The following KIAA0825 variants were observed in gnomAD, a reference collection of about 807,000 sequenced individuals.
KIAA0825 encodes KIAA0825, also known as uncharacterized protein KIAA0825.
Under a neutral mutation model 147.6 loss-of-function variants are expected in KIAA0825, and 119 were observed. The ratio of observed to expected loss-of-function variants is 0.81; its 90% CI spans 0.69 to 0.94. The LOEUF (loss-of-function observed/expected upper bound fraction) is 0.94, where lower values mean the gene tolerates loss of function less well. Ranked by LOEUF, KIAA0825 falls within the 40% of genes least tolerant of loss-of-function variation. The pLI, the probability that KIAA0825 is intolerant of heterozygous loss-of-function variation, is 0.00. For synonymous variants in KIAA0825, 470 were observed against 518.1 expected, an observed-to-expected ratio of 0.91 and a Z score of 1.26; for missense variants, 1,381 against 1,472.7, an observed-to-expected ratio of 0.94 and a Z score of 1.02.
At chr5:94,199,593 G>A (rs1362333558) in intron 20 of KIAA0825, among the ~76,000 whole-genome samples, 10 of 152,084 alleles carry the variant, frequency 6.6e-5, no homozygotes, top group Non-Finnish European at 1.3e-4. Flanking sequence ...GGGAAGTTGG[G>A]GGACCACACA....
At chr5:94,599,388 G>A (rs1023895778) in intron 1 of KIAA0825, among the ~76,000 whole-genome samples, 1 of 107,516 alleles carries the variant, frequency 9.3e-6, no homozygotes, top group African/African-American at 3.8e-5. Context: ...GATTTTTGAT[G>A]AGGGTTCCAT....
intron 20 of KIAA0825, among the ~76,000 whole-genome samples, chr5:94,355,187 C>G (rs1784112077): frequency 6.6e-6 from 1 of 152,076 alleles, no homozygotes; most frequent in Non-Finnish European, 1.5e-5. Context: ...AGTGGCTGCC[C>G]TTAGAGACAA....
chr5:94,563,944 C>T (rs1365195422), intron 2 of KIAA0825, among the ~76,000 whole-genome samples: 1 of 152,206 alleles, frequency 6.6e-6, no homozygotes, highest in Non-Finnish European at 1.5e-5. Flanking sequence ...CTCAGCCTCC[C>T]AAACTGCTGG....
intron 20 of KIAA0825, among the ~76,000 whole-genome samples, chr5:94,381,447 C>T (rs1748404093): frequency 6.6e-6 from 1 of 152,172 alleles, no homozygotes; most frequent in Non-Finnish European, 1.5e-5. Context: ...ATTGAATCCA[C>T]ACAAATGCAG....
intron 20 of KIAA0825, among the ~76,000 whole-genome samples, chr5:94,354,302 C>T (rs527479408): frequency 3.9e-5 from 6 of 152,078 alleles, no homozygotes; most frequent in Non-Finnish European, 7.4e-5. Context: ...TCATAACCTC[C>T]CATCCTCTCT....
At chr5:94,336,646 TTATC>T (rs1449522246) in intron 20 of KIAA0825, among the ~76,000 whole-genome samples, 1 of 152,168 alleles carries the variant, frequency 6.6e-6, no homozygotes, top group African/African-American at 2.4e-5. Context: ...CACATTTTCT[TTATC>T]TAGTCTATCA....
chr5:94,400,890 C>T (rs1297387879), intron 16 of KIAA0825, among the ~76,000 whole-genome samples: 1 of 151,940 alleles, frequency 6.6e-6, no homozygotes, highest in African/African-American at 2.4e-5. Flanking sequence ...TAGTTTGTCA[C>T]CATAGTGTTT....
intron 2 of KIAA0825, among the ~76,000 whole-genome samples, chr5:94,571,223 T>C (rs780790202): frequency 1.3e-5 from 2 of 152,240 alleles, no homozygotes; most frequent in Non-Finnish European, 2.9e-5. Flanking sequence ...ATCATTGATG[T>C]TGCAGTTTGT....
At chr5:94,507,526 A>G (rs1765898592) in intron 5 of KIAA0825, among the ~76,000 whole-genome samples, 1 of 151,640 alleles carries the variant, frequency 6.6e-6, no homozygotes, top group Non-Finnish European at 1.5e-5. Flanking sequence ...GTGAATTAGC[A>G]AAATGATGGT....
At chr5:94,404,448 T>C (rs1468817200) in intron 15 of KIAA0825, among the ~76,000 whole-genome samples, 3 of 149,566 alleles carry the variant, frequency 2.0e-5, no homozygotes, top group Non-Finnish European at 3.0e-5. Flanking sequence ...TCCTTTTTTC[T>C]TCTTTCCTTC....
At chr5:94,273,303 C>G (rs1282288852) in intron 20 of KIAA0825, among the ~76,000 whole-genome samples, 2 of 152,138 alleles carry the variant, frequency 1.3e-5, no homozygotes, top group Admixed American at 6.6e-5. Context: ...TACGGAGAGG[C>G]ATTTATTAAT....
At chr5:94,216,674 C>T (rs187601892) in intron 20 of KIAA0825, among the ~76,000 whole-genome samples, 67 of 152,302 alleles carry the variant, frequency 4.4e-4, no homozygotes, top group African/African-American at 1.5e-3. Context: ...CTTCTCACTT[C>T]CCCCACATAG....
intron 5 of KIAA0825, among the ~76,000 whole-genome samples, chr5:94,489,684 G>A (rs370610418): frequency 2.6e-5 from 4 of 151,560 alleles, no homozygotes; most frequent in African/African-American, 9.7e-5. Flanking sequence ...TCAGGAGTTC[G>A]AGATCAGCCT....
At chr5:94,289,512 G>A (rs1777794990) in intron 20 of KIAA0825, among the ~76,000 whole-genome samples, 1 of 146,030 alleles carries the variant, frequency 6.8e-6, no homozygotes, top group Non-Finnish European at 1.5e-5. Context: ...TTCAGCCTGG[G>A]CAACAGAGCA....
chr5:94,477,231 A>G, intron 6 of KIAA0825, 26 bp from the exon 7 acceptor site: 3 of 1,350,660 alleles, frequency 2.2e-6, no homozygotes, highest in Non-Finnish European at 3.1e-6. Flanking sequence ...GAAAACAAAC[A>G]CACTAATATA....
intron 20 of KIAA0825, among the ~76,000 whole-genome samples, chr5:94,230,484 ATACT>A (rs1157949041): frequency 6.6e-6 from 1 of 152,094 alleles, no homozygotes; most frequent in African/African-American, 2.4e-5. Flanking sequence ...TCTTTTCCAG[ATACT>A]TAGGTTATAA....
chr5:94,454,419 A>T (rs1226966153), intron 12 of KIAA0825, among the ~76,000 whole-genome samples: 1 of 152,194 alleles, frequency 6.6e-6, no homozygotes, highest in Non-Finnish European at 1.5e-5. Context: ...TTGTCTTGCT[A>T]AATAGAACAT....
intron 13 of KIAA0825, 112 bp downstream of exon 13, chr5:94,452,847 G>GT (rs1285193835): frequency 1.0e-4 from 56 of 550,062 alleles, no homozygotes; most frequent in African/African-American, 8.8e-4. Context: ...GTGAAAAGTC[G>GT]TAAGTTCTTT....
intron 20 of KIAA0825, among the ~76,000 whole-genome samples, chr5:94,319,369 T>G (rs1206863257): frequency 2.0e-5 from 3 of 151,898 alleles, no homozygotes; most frequent in Non-Finnish European, 4.4e-5. Context: ...TCATGGCTTA[T>G]AAATACCATC....
Sources: allele counts gnomAD v4.1 joint callset (sites outside exome capture counted in the v4.1 genomes callset), GRCh38; gene constraint gnomAD v4.1.1; transcripts MANE v1.5; gene names NCBI Gene and HGNC (gene_info 2026-07-23, HGNC 2026-07-21).